ASCC3: variants seen among roughly 807,000 people sequenced by gnomAD.
ASCC3 encodes the protein ASC-1 complex subunit P200.
Under a neutral mutation model 256.3 loss-of-function variants are expected in ASCC3, and 158 were observed. That is an observed-to-expected ratio of 0.62 (90% CI 0.54 to 0.70). The LOEUF is 0.70. Ranked by LOEUF, ASCC3 falls within the 30% of genes least tolerant of loss-of-function variation. The pLI is 0.00. For synonymous variants in ASCC3, 948 were observed against 883.4 expected, an observed-to-expected ratio of 1.07 and a Z score of -1.30; for missense variants, 2,259 against 2,626.0, an observed-to-expected ratio of 0.86 and a Z score of 3.05.
intron 33 of ASCC3, among the ~76,000 whole-genome samples, chr6:100,604,312 C>A (rs1235121559): frequency 6.6e-6 from 1 of 151,756 alleles, no homozygotes. Flanking sequence ...TTAAAAGAAC[C>A]AACTTTTGGT....
intron 8 of ASCC3, among the ~76,000 whole-genome samples, chr6:100,774,270 G>A (rs1782074476): frequency 6.6e-6 from 1 of 152,044 alleles, no homozygotes; most frequent in Non-Finnish European, 1.5e-5. Context: ...CAATCCTCCT[G>A]CCTCAACCTT....
chr6:100,614,745 C>T (rs1459907472), intron 30 of ASCC3, among the ~76,000 whole-genome samples: 1 of 152,092 alleles, frequency 6.6e-6, no homozygotes, highest in Non-Finnish European at 1.5e-5. Flanking sequence ...TTTTAGACTA[C>T]ATGCAGAAAA....
intron 36 of ASCC3, among the ~76,000 whole-genome samples, chr6:100,568,061 T>C (rs1770363348): frequency 1.3e-5 from 2 of 152,138 alleles, no homozygotes; most frequent in South Asian, 4.1e-4. Context: ...CTGTTTTTTT[T>C]TGACTTTTAA....
intron 8 of ASCC3, among the ~76,000 whole-genome samples, chr6:100,791,238 T>C (rs1005410862): frequency 1.3e-5 from 2 of 151,896 alleles, no homozygotes; most frequent in African/African-American, 4.8e-5. Context: ...AAATCCCCAA[T>C]TACTTTCAAG....
chr6:100,689,602 G>C (rs1427418907), intron 13 of ASCC3, among the ~76,000 whole-genome samples: 1 of 152,106 alleles, frequency 6.6e-6, no homozygotes, highest in African/African-American at 2.4e-5. Context: ...TGTTAAAAAT[G>C]GTCAGTTTTC....
intron 36 of ASCC3, among the ~76,000 whole-genome samples, chr6:100,555,205 A>G (rs1769507681): frequency 1.3e-5 from 2 of 152,174 alleles, no homozygotes; most frequent in Admixed American, 1.3e-4. Context: ...AAATTTTCTA[A>G]TATGCACATA....
chr6:100,575,470 T>C (rs1389855467), intron 36 of ASCC3, among the ~76,000 whole-genome samples: 1 of 152,076 alleles, frequency 6.6e-6, no homozygotes, highest in African/African-American at 2.4e-5. Flanking sequence ...AGAATCAGCA[T>C]GCTTTTAAAG....
At chr6:100,858,381 A>T (rs952999910) in intron 3 of ASCC3, 4 of 256,196 alleles carry the variant, frequency 1.6e-5, no homozygotes, top group African/African-American at 9.3e-5. Flanking sequence ...GGTAACAGGC[A>T]TTTGTGTCTA....
chr6:100,668,748 G>A (rs1776599339), intron 14 of ASCC3, among the ~76,000 whole-genome samples: 1 of 151,806 alleles, frequency 6.6e-6, no homozygotes, highest in African/African-American at 2.4e-5. Flanking sequence ...CAGAATGCAA[G>A]GGCATTGTAC....
chr6:100,814,753 T>C (rs1770658333), intron 4 of ASCC3, among the ~76,000 whole-genome samples: 1 of 152,182 alleles, frequency 6.6e-6, no homozygotes, highest in Non-Finnish European at 1.5e-5. Flanking sequence ...TATTCTCTGA[T>C]GGTTGTTTGT....
intron 4 of ASCC3, among the ~76,000 whole-genome samples, chr6:100,844,260 A>C (rs1582951085): frequency 6.6e-6 from 1 of 151,074 alleles, no homozygotes; most frequent in African/African-American, 2.4e-5. Flanking sequence ...ACTGAGCCTC[A>C]GTTTTTTTAA....
intron 14 of ASCC3, among the ~76,000 whole-genome samples, chr6:100,665,450 C>A (rs1361832350): frequency 2.0e-5 from 3 of 151,934 alleles, no homozygotes; most frequent in Non-Finnish European, 2.9e-5. Context: ...TCTGGCCGGG[C>A]ACAGTGGGTC....
intron 29 of ASCC3, among the ~76,000 whole-genome samples, chr6:100,627,356 T>A (rs73763526): frequency 0.016 from 2,367 of 152,306 alleles, 58 homozygotes; most frequent in African/African-American, 0.054. Context: ...TAACTTTTTT[T>A]AATTACATAC....
Position 100,834,273 on chromosome 6 carries a change from C to T in ASCC3, c.801+13875G>A, listed in dbSNP as rs143142896. ...TTATTTTTCACATACAATAAAAATGCTTAGAATATTTCAAATGTTAGCACA... is the reference window on the plus strand; with the variant it reads ...TTATTTTTCACATACAATAAAAATGTTTAGAATATTTCAAATGTTAGCACA... On this transcript the variant is annotated intron_variant, in intron 4 of 41. Transcript: ENST00000369162. Among the ~76,000 whole-genome samples the T allele has an allele frequency of 4.6e-5, 7 of 152,136 alleles. No homozygotes were observed. The East Asian group carries it at 1.3e-3, about 29-fold the overall frequency.
At chr6:100,596,181 T>C (rs1357911583) in intron 34 of ASCC3, among the ~76,000 whole-genome samples, 1 of 152,176 alleles carries the variant, frequency 6.6e-6, no homozygotes, top group African/African-American at 2.4e-5. Flanking sequence ...TCTGGTTTTA[T>C]TATATTACAC....
At chr6:100,662,293 C>A in intron 15 of ASCC3, 52 bp downstream of exon 15, 1 of 1,568,596 alleles carries the variant, frequency 6.4e-7, no homozygotes, top group Non-Finnish European at 8.7e-7. Flanking sequence ...AACCCAGAGC[C>A]TTGCTTTAAG....
intron 10 of ASCC3, among the ~76,000 whole-genome samples, chr6:100,726,332 C>T (rs1352169455): frequency 6.6e-6 from 1 of 151,852 alleles, no homozygotes; most frequent in African/African-American, 2.4e-5. Flanking sequence ...AGGAGAGGTA[C>T]AAAGTAGATT....
At chr6:100,607,994 C>T (rs1393544167) in intron 30 of ASCC3, among the ~76,000 whole-genome samples, 1 of 139,480 alleles carries the variant, frequency 7.2e-6, no homozygotes, top group Admixed American at 7.5e-5. Flanking sequence ...GATATTAACC[C>T]CTTGTCCATC....
chr6:100,846,512 C>T (rs1772391167), intron 4 of ASCC3, among the ~76,000 whole-genome samples: 1 of 152,164 alleles, frequency 6.6e-6, no homozygotes, highest in Non-Finnish European at 1.5e-5. Flanking sequence ...TTGAACCAGA[C>T]TATGCAGACT....
Sources: allele counts gnomAD v4.1 joint callset (sites outside exome capture counted in the v4.1 genomes callset), GRCh38; gene constraint gnomAD v4.1.1; transcripts MANE v1.5; gene names NCBI Gene and HGNC (gene_info 2026-07-23, HGNC 2026-07-21).